FBXL7: variants seen among roughly 807,000 people sequenced by gnomAD.
FBXL7 encodes the protein F-box and leucine rich repeat protein 7, also known as F-box/LRR-repeat protein 7.
Under a neutral mutation model 38.3 loss-of-function variants are expected in FBXL7, and 12 were observed. The ratio of observed to expected loss-of-function variants is 0.31; its 90% CI spans 0.20 to 0.51. The LOEUF (loss-of-function observed/expected upper bound fraction) is 0.51, where lower values mean the gene tolerates loss of function less well. Ranked by LOEUF, FBXL7 falls within the 20% of genes least tolerant of loss-of-function variation. The probability of loss-of-function intolerance (pLI) is 0.98; values close to 1 mark genes in which losing one functional copy is unlikely to be tolerated. For missense variants in FBXL7, 567 were observed against 676.4 expected, an observed-to-expected ratio of 0.84 and a Z score of 1.79; for synonymous variants, 297 against 300.9, an observed-to-expected ratio of 0.99 and a Z score of 0.13.
chr5:15,571,452 A>C (rs1461948033), intron 1 of FBXL7, among the ~76,000 whole-genome samples: 2 of 152,208 alleles, frequency 1.3e-5, no homozygotes, highest in African/African-American at 2.4e-5. Flanking sequence ...TAAGATAGTC[A>C]GGTGGAAATA....
chr5:15,687,974 C>T (rs1743066301), intron 2 of FBXL7, among the ~76,000 whole-genome samples: 1 of 152,216 alleles, frequency 6.6e-6, no homozygotes, highest in Non-Finnish European at 1.5e-5. Flanking sequence ...CAGGCAGCGA[C>T]TCTGCATGTG....
chr5:15,601,720 G>A (rs1739798931), intron 1 of FBXL7, among the ~76,000 whole-genome samples: 2 of 152,036 alleles, frequency 1.3e-5, no homozygotes, highest in Non-Finnish European at 2.9e-5. Context: ...TAATAATACT[G>A]CCATTCAATG....
At chr5:15,556,076 T>TC (rs1738229537) in intron 1 of FBXL7, among the ~76,000 whole-genome samples, 1 of 126,998 alleles carries the variant, frequency 7.9e-6, no homozygotes, top group African/African-American at 3.4e-5. Context: ...CATCTGTTTA[T>TC]TATCTATCAT....
intron 2 of FBXL7, among the ~76,000 whole-genome samples, chr5:15,672,380 C>T (rs372519789): frequency 2.8e-4 from 43 of 152,114 alleles, no homozygotes; most frequent in African/African-American, 9.9e-4. Context: ...GTTAAAAACA[C>T]CTTTGGCTAG....
chr5:15,721,316 A>T (rs990192438), intron 2 of FBXL7, among the ~76,000 whole-genome samples: 9 of 152,120 alleles, frequency 5.9e-5, no homozygotes. Flanking sequence ...TTTGATTTAC[A>T]GAGATCTGTG....
At chr5:15,841,895 T>A (rs1303129967) in intron 2 of FBXL7, among the ~76,000 whole-genome samples, 1 of 152,222 alleles carries the variant, frequency 6.6e-6, no homozygotes, top group Non-Finnish European at 1.5e-5. Context: ...AGAGGATGTA[T>A]GGAAACACCT....
chr5:15,913,049 G>A (rs1741481011), intron 2 of FBXL7, among the ~76,000 whole-genome samples: 1 of 152,258 alleles, frequency 6.6e-6, no homozygotes, highest in East Asian at 1.9e-4. Context: ...AATATAGAAA[G>A]AATAAAATGT....
chr5:15,507,720 C>G (rs1360903024), intron 1 of FBXL7, among the ~76,000 whole-genome samples: 1 of 152,156 alleles, frequency 6.6e-6, no homozygotes, highest in Non-Finnish European at 1.5e-5. Flanking sequence ...TGCTCCTTGA[C>G]TTATGACAGG....
intron 2 of FBXL7, among the ~76,000 whole-genome samples, chr5:15,757,197 G>C (rs1475095283): frequency 6.6e-6 from 1 of 151,720 alleles, no homozygotes; most frequent in South Asian, 2.1e-4. Flanking sequence ...TCCTTTCATA[G>C]GAGAGAGAGA....
chr5:15,789,890 C>T (rs559152482), intron 2 of FBXL7, among the ~76,000 whole-genome samples: 14 of 152,246 alleles, frequency 9.2e-5, no homozygotes, highest in Admixed American at 3.3e-4. Flanking sequence ...TTCTAAAGCA[C>T]GATGCTTACA....
At chr5:15,916,956 A>G (rs537093865) in intron 2 of FBXL7, among the ~76,000 whole-genome samples, 1 of 152,322 alleles carries the variant, frequency 6.6e-6, no homozygotes, top group East Asian at 1.9e-4. Context: ...AACTGTTTTA[A>G]TGCCTGTACT....
chr5:15,822,832 G>A (rs1738208472), intron 2 of FBXL7, among the ~76,000 whole-genome samples: 1 of 152,022 alleles, frequency 6.6e-6, no homozygotes, highest in African/African-American at 2.4e-5. Context: ...AGATGTTAGC[G>A]TGCATAGTAA....
intron 2 of FBXL7, among the ~76,000 whole-genome samples, chr5:15,757,478 T>A (rs1736328140): frequency 6.6e-6 from 1 of 151,738 alleles, no homozygotes; most frequent in South Asian, 2.1e-4. Flanking sequence ...ATCAATTCCC[T>A]GTGACAAACA....
At chr5:15,847,175 C>T (rs1738931844) in intron 2 of FBXL7, among the ~76,000 whole-genome samples, 1 of 152,164 alleles carries the variant, frequency 6.6e-6, no homozygotes, top group South Asian at 2.1e-4. Context: ...CTAATACAGA[C>T]ATACCCAAGA....
chr5:15,634,655 T>C (rs1448832578), intron 2 of FBXL7, among the ~76,000 whole-genome samples: 1 of 152,174 alleles, frequency 6.6e-6, no homozygotes, highest in Non-Finnish European at 1.5e-5. Context: ...CTATAACAAA[T>C]GATGGCTAAC....
rs1258253375 is a variant in FBXL7, at chr5:15,939,060, G to A, written c.*1874G>A. 3 of 398,954 alleles carry A rather than the reference G, an allele frequency of 7.5e-6. No individual in the cohort carries two copies. The highest frequency in any genetic ancestry group is 1.3e-5 in the Non-Finnish European group (3 of 226,078). 24.7% of individuals were successfully genotyped at this position (398,954 alleles called of 1,614,324 possible). A position where few individuals can be genotyped will look rare whatever the true frequency, so the allele number is the denominator to read the frequency against. ...CCTACTGTAGGCTCCTGTGCATACT[G>A]TCGTCTTCTGTGGGGGATGGAGAGG... On this transcript the variant is annotated 3_prime_UTR_variant, in exon 4 of 4. Coordinates refer to ENST00000504595, the MANE Select transcript of FBXL7 (RefSeq NM_012304.5).
At chr5:15,844,944 A>G (rs1477335791) in intron 2 of FBXL7, among the ~76,000 whole-genome samples, 16 of 152,226 alleles carry the variant, frequency 1.1e-4, no homozygotes, top group Admixed American at 1.0e-3. Flanking sequence ...CAAGCACCCT[A>G]TAAGAAACAA....
At chr5:15,667,688 A>G (rs1488979026) in intron 2 of FBXL7, among the ~76,000 whole-genome samples, 1 of 152,052 alleles carries the variant, frequency 6.6e-6, no homozygotes, top group African/African-American at 2.4e-5. Context: ...CTCCAAGCCT[A>G]CTTCTCTTCT....
At chr5:15,897,287 G>A (rs1364048592) in intron 2 of FBXL7, among the ~76,000 whole-genome samples, 1 of 152,070 alleles carries the variant, frequency 6.6e-6, no homozygotes, top group Non-Finnish European at 1.5e-5. Flanking sequence ...AAGATTTTAA[G>A]GAACTAAATC....
Sources: allele counts gnomAD v4.1 joint callset (sites outside exome capture counted in the v4.1 genomes callset), GRCh38; gene constraint gnomAD v4.1.1; transcripts MANE v1.5; gene names NCBI Gene and HGNC (gene_info 2026-07-23, HGNC 2026-07-21).